Variants in AMMECR1 observed in about 807,000 individuals in gnomAD.
AMMECR1 encodes the protein AMMECR nuclear protein 1.
A neutral mutation model predicts 22.5 loss-of-function variants in AMMECR1; 3 were observed. The ratio of observed to expected loss-of-function variants is 0.13; its 90% confidence interval spans 0.06 to 0.35. The LOEUF (loss-of-function observed/expected upper bound fraction) is 0.35. Ranked by LOEUF, AMMECR1 falls within the 10% of genes least tolerant of loss-of-function variation. The pLI, the probability that AMMECR1 is intolerant of heterozygous loss-of-function variation, is 1.00. For synonymous variants in AMMECR1, 130 were observed against 116.7 expected (o/e 1.11, Z -0.74); for missense variants, 235 against 278.7 (o/e 0.84, Z 1.12).
chrX:110,399,760 G>A (rs1476066853), intron 2 of AMMECR1, among the ~76,000 whole-genome samples: 1 of 112,074 alleles, frequency 8.9e-6, no homozygotes, highest in Non-Finnish European at 1.9e-5. Context: ...TAAGACTATA[G>A]TGTGGGATGA....
intron 1 of AMMECR1, among the ~76,000 whole-genome samples, chrX:110,268,373 C>A (rs1036521568): frequency 8.9e-6 from 1 of 112,199 alleles, no homozygotes; most frequent in Non-Finnish European, 1.9e-5. Context: ...CAGAACAAAA[C>A]TATTCATTAA....
upstream of AMMECR1, among the ~76,000 whole-genome samples, chrX:110,322,839 T>G (rs768648281): frequency 1.5e-4 from 17 of 111,810 alleles, no homozygotes; most frequent in African/African-American, 3.9e-4. Flanking sequence ...GTCAGGAAGC[T>G]CAGTCGTCTC....
chrX:110,263,376 C>G (rs2067751972), intron 2 of AMMECR1, among the ~76,000 whole-genome samples: 1 of 111,384 alleles, frequency 9.0e-6, no homozygotes, highest in South Asian at 3.8e-4. Flanking sequence ...GAATATGATC[C>G]CCCAAGCCAT....
chrX:110,409,102 A>G (rs754498899), intron 2 of AMMECR1, among the ~76,000 whole-genome samples: 2 of 111,762 alleles, frequency 1.8e-5, no homozygotes, highest in African/African-American at 3.3e-5. Context: ...TAAATAATGA[A>G]TAATGAATGT....
intron 1 of AMMECR1, among the ~76,000 whole-genome samples, chrX:110,289,464 T>C (rs12009207): frequency 0.037 from 4,118 of 112,115 alleles, 187 homozygotes; most frequent in African/African-American, 0.13. Flanking sequence ...TGAAACATAC[T>C]AGTCATAGAA....
chrX:110,314,664 A>G, intron 1 of AMMECR1, among the ~76,000 whole-genome samples: 1 of 112,193 alleles, frequency 8.9e-6, no homozygotes, highest in South Asian at 3.7e-4. Context: ...GGCTCCCTAC[A>G]TAAATCCAAG....
At chrX:110,371,055 T>G (rs1170311492) in intron 2 of AMMECR1, among the ~76,000 whole-genome samples, 1 of 111,446 alleles carries the variant, frequency 9.0e-6, no homozygotes, top group Non-Finnish European at 1.9e-5. Flanking sequence ...ATAAAATGCC[T>G]TTGTGGAATA....
chrX:110,326,641 T>C (rs1188079977), intron 2 of AMMECR1, among the ~76,000 whole-genome samples: 1 of 112,199 alleles, frequency 8.9e-6, no homozygotes, highest in Non-Finnish European at 1.9e-5. Context: ...GTGTATAGTG[T>C]TGTTCAAGTC....
intron 1 of AMMECR1, among the ~76,000 whole-genome samples, chrX:110,302,928 A>G (rs2067975438): frequency 1.8e-5 from 2 of 111,064 alleles, no homozygotes; most frequent in Non-Finnish European, 3.8e-5. Context: ...AGAGAGATTG[A>G]CTGATTTTCC....
chrX:110,275,617 G>A (rs898958513), intron 1 of AMMECR1, among the ~76,000 whole-genome samples: 11 of 110,856 alleles, frequency 9.9e-5, no homozygotes, highest in African/African-American at 3.6e-4. Flanking sequence ...AATCACCTGA[G>A]GCCGGGAGTT....
intron 2 of AMMECR1, among the ~76,000 whole-genome samples, chrX:110,349,617 A>T (rs1303139298): frequency 3.6e-5 from 4 of 111,972 alleles, no homozygotes; most frequent in Non-Finnish European, 5.6e-5. Flanking sequence ...TTACTGAACA[A>T]CATAGCCTAA....
intron 2 of AMMECR1, among the ~76,000 whole-genome samples, chrX:110,335,160 T>A (rs1484093289): frequency 1.8e-5 from 2 of 111,502 alleles, no homozygotes; most frequent in East Asian, 5.6e-4. Context: ...ATTGGGAAGA[T>A]TCAATCATAT....
At chrX:110,319,559 T>C (rs1005350339), upstream of AMMECR1, among the ~76,000 whole-genome samples, 1 of 112,481 alleles carries the variant, frequency 8.9e-6, no homozygotes, top group Admixed American at 9.4e-5. Flanking sequence ...GTCAGATACA[T>C]GCACATAATC....
chrX:110,265,679 A>G (rs181144304), intron 1 of AMMECR1, among the ~76,000 whole-genome samples: 1 of 112,240 alleles, frequency 8.9e-6, no homozygotes, highest in East Asian at 2.8e-4. Flanking sequence ...CTATGGTAAT[A>G]TAAGTATTCA....
chrX:110,416,734 C>T (rs180971472), intron 2 of AMMECR1, among the ~76,000 whole-genome samples: 124 of 112,203 alleles, frequency 1.1e-3, no homozygotes, highest in African/African-American at 3.8e-3. Flanking sequence ...TGCTTCTAAG[C>T]GTCCTGTGGG....
At chrX:110,365,528 C>T (rs186861145) in intron 2 of AMMECR1, among the ~76,000 whole-genome samples, 53 of 111,806 alleles carry the variant, frequency 4.7e-4, no homozygotes, top group Non-Finnish European at 9.0e-4. Context: ...TAATCCTGCT[C>T]TCCTGAGACA....
At chrX:110,270,795 T>G (rs2067794688) in intron 1 of AMMECR1, among the ~76,000 whole-genome samples, 1 of 112,226 alleles carries the variant, frequency 8.9e-6, no homozygotes, top group African/African-American at 3.2e-5. Context: ...CTGATCTCCC[T>G]CAGCCTTCTC....
chrX:110,386,007 T>C (rs183253196), intron 2 of AMMECR1, among the ~76,000 whole-genome samples: 2 of 112,628 alleles, frequency 1.8e-5, no homozygotes, highest in East Asian at 5.5e-4. Context: ...GAATATATCA[T>C]ATTTTGTTTT....
At chrX:110,413,484 C>T (rs910390513) in intron 2 of AMMECR1, among the ~76,000 whole-genome samples, 7 of 110,082 alleles carry the variant, frequency 6.4e-5, no homozygotes, top group Non-Finnish European at 1.3e-4. Context: ...TCCTCGTTGA[C>T]GCTTCTTTAT....
Sources: gnomAD v4.1 joint callset for allele counts (sites outside exome capture counted in the v4.1 genomes callset) on GRCh38, gnomAD v4.1.1 for gene constraint, MANE v1.5 for transcripts, NCBI Gene and HGNC (gene_info 2026-07-23, HGNC 2026-07-21) for gene names.